The following DCC variants were observed in gnomAD, a reference collection of about 807,000 sequenced individuals.
DCC encodes the protein netrin receptor DCC.
Under a neutral mutation model 172.5 loss-of-function variants are expected in DCC, and 58 were observed. The observed-to-expected ratio is 0.34, with a 90% CI of 0.27 to 0.42. The LOEUF is 0.42. Ranked by LOEUF, DCC falls within the 10% of genes least tolerant of loss-of-function variation. DCC has a pLI of 1.00. For missense variants in DCC, 1,740 were observed against 1,791.0 expected (o/e 0.97, Z 0.51); for synonymous variants, 709 against 644.5 (o/e 1.10, Z -1.52).
At chr18:52,838,441 G>A (rs9948032) in intron 2 of DCC, among the ~76,000 whole-genome samples, 132,298 of 152,052 alleles carry the variant, frequency 0.87, 58,531 homozygotes, top group Middle Eastern at 0.96. Flanking sequence ...AAATTCTACA[G>A]TTGTACACAA....
At chr18:52,981,429 C>A (rs2041206655) in intron 5 of DCC, among the ~76,000 whole-genome samples, 1 of 151,960 alleles carries the variant, frequency 6.6e-6, no homozygotes, top group Admixed American at 6.6e-5. Context: ...CTTGTAGAAT[C>A]TGAACAATAA....
chr18:53,342,640 T>A lies in DCC; in HGVS notation c.2359+2733T>A, dbSNP rs76578289. ...AATTTATCTCAGTAATATTTTATAG[T>A]TTCAAATGTAAAGGTCTTCAATGTT... On this transcript the variant is annotated intron_variant, in intron 15 of 28. Coordinates refer to ENST00000442544, the MANE Select transcript of DCC (RefSeq NM_005215.4). Among the ~76,000 whole-genome samples the A allele has an allele frequency of 2.5e-3, 379 of 150,038 alleles. 4 individuals carry two copies. The East Asian group carries it at 0.054, about 21-fold the overall frequency.
At chr18:53,340,297 T>C (rs2057643575) in intron 15 of DCC, among the ~76,000 whole-genome samples, 1 of 152,198 alleles carries the variant, frequency 6.6e-6, no homozygotes, top group South Asian at 2.1e-4. Context: ...TTTTCATCTT[T>C]GTTGTTGTCA....
intron 1 of DCC, among the ~76,000 whole-genome samples, chr18:52,401,163 C>T (rs1698331632): frequency 6.6e-6 from 1 of 151,740 alleles, no homozygotes; most frequent in Admixed American, 6.6e-5. Context: ...TTCTGCTGGC[C>T]CTTGAAACCC....
At chr18:53,228,263 A>AT (rs1181160058) in intron 12 of DCC, among the ~76,000 whole-genome samples, 75 of 151,802 alleles carry the variant, frequency 4.9e-4, no homozygotes, top group Middle Eastern at 3.4e-3. Context: ...TAAAAAAATA[A>AT]AAATAAAAAA....
chr18:53,246,045 T>TA (rs2056361096), intron 12 of DCC, among the ~76,000 whole-genome samples: 1 of 152,126 alleles, frequency 6.6e-6, no homozygotes. Context: ...AGAGCACACT[T>TA]ACGGTATTGA....
chr18:52,948,772 C>T (rs909583931), intron 5 of DCC, among the ~76,000 whole-genome samples: 1 of 152,168 alleles, frequency 6.6e-6, no homozygotes, highest in Non-Finnish European at 1.5e-5. Context: ...TTACAGCAGA[C>T]TTTATTCTTA....
chr18:52,527,244 A>G (rs537374946), intron 1 of DCC, among the ~76,000 whole-genome samples: 2 of 152,320 alleles, frequency 1.3e-5, no homozygotes, highest in South Asian at 4.1e-4. Flanking sequence ...TTTTTCAATT[A>G]TGCAGTAATG....
rs1180487584 is a variant in DCC, at chr18:52,906,083, C to G, written c.452C>G (p.Ala151Gly). 1.2e-6 allele frequency: 2 copies of G among 1,612,660 alleles called. No individual in the cohort carries two copies. The highest frequency in any genetic ancestry group is 8.5e-7 in the Non-Finnish European group (1 of 1,178,784). The part of the protein sequence containing the change: ...RFLSQTESVT[A>G]FMGDTVLLKC... Reference sequence around the variant, plus strand: ...CTTTCACAGACAGAATCTGTCACAGCCTTCATGGGAGACACAGTGCTACTC... The same window carrying G: ...CTTTCACAGACAGAATCTGTCACAGGCTTCATGGGAGACACAGTGCTACTC... Residue 151 changes from alanine (A) to glycine (G), a missense_variant, in exon 3 of 29, where the codon GCC becomes GGC. Transcript: ENST00000442544.
At chr18:53,034,567 C>T (rs1364472796) in intron 5 of DCC, among the ~76,000 whole-genome samples, 1 of 151,962 alleles carries the variant, frequency 6.6e-6, no homozygotes, top group African/African-American at 2.4e-5. Flanking sequence ...CATTATGTCT[C>T]CCCTAGTCTG....
At chr18:52,524,372 T>C (rs776825989) in intron 1 of DCC, among the ~76,000 whole-genome samples, 18 of 152,340 alleles carry the variant, frequency 1.2e-4, no homozygotes, top group Non-Finnish European at 1.9e-4. Context: ...GGTTGATTAT[T>C]TGCAATGCTT....
At chr18:53,186,786 G>T (rs547353982) in intron 9 of DCC, among the ~76,000 whole-genome samples, 1 of 152,274 alleles carries the variant, frequency 6.6e-6, no homozygotes, top group African/African-American at 2.4e-5. Context: ...ATTGCTCATG[G>T]TTCTGGAGAC....
intron 2 of DCC, among the ~76,000 whole-genome samples, chr18:52,772,784 C>T (rs768595224): frequency 2.0e-5 from 3 of 152,064 alleles, no homozygotes; most frequent in South Asian, 2.1e-4. Context: ...TGAAATTCCC[C>T]GAGGAGTGTT....
intron 1 of DCC, among the ~76,000 whole-genome samples, chr18:52,655,629 C>A (rs1245709355): frequency 6.6e-6 from 1 of 151,876 alleles, no homozygotes; most frequent in Non-Finnish European, 1.5e-5. Context: ...CCTATAAAAT[C>A]CACTTTTTAT....
chr18:53,161,438 T>C (rs757655081), intron 8 of DCC, among the ~76,000 whole-genome samples: 1 of 152,214 alleles, frequency 6.6e-6, no homozygotes, highest in African/African-American at 2.4e-5. Context: ...CCAATTTATC[T>C]GATCTGCACA....
chr18:52,467,200 C>T (rs1988811352), intron 1 of DCC, among the ~76,000 whole-genome samples: 2 of 151,922 alleles, frequency 1.3e-5, no homozygotes, highest in Non-Finnish European at 2.9e-5. Context: ...TCCCCTAGTC[C>T]CCCACCCCCC....
At chr18:53,520,952 G>A (rs1034263079) in intron 27 of DCC, among the ~76,000 whole-genome samples, 3 of 152,000 alleles carry the variant, frequency 2.0e-5, no homozygotes, top group African/African-American at 7.2e-5. Context: ...TGAACTCTGG[G>A]AGGCTGTTTA....
chr18:53,158,148 AT>A (rs772840983), intron 8 of DCC, among the ~76,000 whole-genome samples: 3 of 150,092 alleles, frequency 2.0e-5, no homozygotes, highest in Non-Finnish European at 3.0e-5. Context: ...ACAAAAAAAA[AT>A]CAAATTTAAA....
rs548071157 is a variant in DCC, at chr18:52,885,576, G to A, written c.413-20468G>A. ...GGCAGTGGGTTCCCGTCTGGACAAT[G>A]GCAGGTCCAGACATGCTATCCAAGA... On this transcript the variant is annotated intron_variant, in intron 2 of 28. Transcript: ENST00000442544. Among the ~76,000 whole-genome samples, 314 of 152,248 alleles carry A rather than the reference G, an allele frequency of 2.1e-3. 1 individual carries two copies. The highest frequency in any genetic ancestry group is 7.2e-3 in the African/African-American group (298 of 41,542).
Sources: allele counts gnomAD v4.1 joint callset (sites outside exome capture counted in the v4.1 genomes callset), GRCh38; gene constraint gnomAD v4.1.1; transcripts MANE v1.5; gene names NCBI Gene and HGNC (gene_info 2026-07-23, HGNC 2026-07-21).